Variants in KHDC1 observed in about 807,000 individuals in gnomAD.
KHDC1 encodes KH domain containing 1.
A neutral mutation model predicts 24.7 loss-of-function variants in KHDC1; 21 were observed. The observed-to-expected ratio is 0.85, with a 90% CI of 0.60 to 1.23. KHDC1 has a LOEUF of 1.23. KHDC1 is among the 50% of genes most tolerant of loss of function. The probability of loss-of-function intolerance (pLI) is 0.00; values close to 1 mark genes in which losing one functional copy is unlikely to be tolerated. For missense variants in KHDC1, 274 were observed against 298.5 expected (o/e 0.92, Z 0.61); for synonymous variants, 98 against 111.7 (o/e 0.88, Z 0.77).
chr6:73,265,638 CT>C (rs1462328575), intron 2 of KHDC1, among the ~76,000 whole-genome samples: 1 of 151,626 alleles, frequency 6.6e-6, no homozygotes, highest in East Asian at 1.9e-4. Context: ...TTGAGTAAGC[CT>C]TTTTCAGGTT....
At chr6:73,241,714 C>T (rs1766571864) in exon 5 of KHDC1, 1 of 1,614,006 alleles carries the variant, frequency 6.2e-7, no homozygotes, top group South Asian at 1.1e-5. Context: ...CGGACACGTT[C>T]CAGCATCTCC....
intron 1 of KHDC1, among the ~76,000 whole-genome samples, chr6:73,298,673 C>T (rs12203663): frequency 0.22 from 33,923 of 151,400 alleles, 4,273 homozygotes; most frequent in African/African-American, 0.34. Context: ...CCTCAGGTGA[C>T]CCACCTGCCT....
chr6:73,257,863 G>A lies in KHDC1; in HGVS notation c.207-15333C>T, dbSNP rs116257835. Among the ~76,000 whole-genome samples, 1,507 of 152,128 alleles carry A rather than the reference G, an allele frequency of 9.9e-3. 23 individuals are homozygous for A. The highest frequency in any genetic ancestry group is 0.034 in the African/African-American group (1,416 of 41,510). On this transcript the variant is annotated intron_variant, in intron 2 of 4. Transcript: ENST00000370384. ...TAGCTCACACCTGTAATCCCAGCAT[G>A]CTGGGAGGCCAAGACAAGAGAATTG...
chr6:73,293,079 T>C (rs1267709502), intron 1 of KHDC1: 11 of 977,746 alleles, frequency 1.1e-5, no homozygotes, highest in Non-Finnish European at 1.8e-5. Flanking sequence ...AATGCAAGAC[T>C]GGATGCCAAG....
chr6:73,241,840 T>C (rs1224337899), intron 4 of KHDC1, 112 bp from the exon 4 acceptor site: 1 of 1,241,798 alleles, frequency 8.1e-7, no homozygotes, highest in African/African-American at 1.5e-5. Context: ...AGCCCAGACC[T>C]TCCAAGGTAG....
chr6:73,256,553 A>G (rs1007801988), intron 2 of KHDC1, among the ~76,000 whole-genome samples: 7 of 152,240 alleles, frequency 4.6e-5, no homozygotes, highest in African/African-American at 1.7e-4. Context: ...AACTATTAAC[A>G]GCCAGTTTAC....
intron 2 of KHDC1, among the ~76,000 whole-genome samples, chr6:73,285,742 C>T (rs377118366): frequency 6.6e-6 from 1 of 150,682 alleles, no homozygotes; most frequent in South Asian, 2.1e-4. Context: ...CATGCTGGTG[C>T]GCTGCACCCA....
At chr6:73,241,750 C>T (rs1483008011) in intron 4 of KHDC1, 22 bp from the exon 4 acceptor site, 1 of 1,613,098 alleles carries the variant, frequency 6.2e-7, no homozygotes, top group Non-Finnish European at 8.5e-7. Flanking sequence ...GTGCCCAGGG[C>T]TAATGAACCA....
At chr6:73,307,441 T>TA (rs1767985433) in intron 1 of KHDC1, among the ~76,000 whole-genome samples, 1 of 150,954 alleles carries the variant, frequency 6.6e-6, no homozygotes, top group African/African-American at 2.5e-5. Context: ...ATAAATAAAT[T>TA]AATTAATTAA....
intron 2 of KHDC1, among the ~76,000 whole-genome samples, chr6:73,260,378 A>C (rs1766957747): frequency 6.6e-6 from 1 of 152,184 alleles, no homozygotes; most frequent in African/African-American, 2.4e-5. Context: ...TGTCCAGAAT[A>C]ATGCCTTATA....
chr6:73,290,698 T>C, intron 2 of KHDC1: 2 of 443,584 alleles, frequency 4.5e-6, no homozygotes, highest in South Asian at 1.8e-5. Context: ...TGGAGCCACA[T>C]GTATTGCTGG....
At chr6:73,282,472 G>T (rs1022647369) in intron 2 of KHDC1, among the ~76,000 whole-genome samples, 2 of 152,042 alleles carry the variant, frequency 1.3e-5, no homozygotes, top group Admixed American at 6.6e-5. Context: ...GAGGAACTTA[G>T]TTTATAGGTT....
At chr6:73,273,075 TG>T (rs1193083646) in intron 2 of KHDC1, among the ~76,000 whole-genome samples, 14 of 151,470 alleles carry the variant, frequency 9.2e-5, no homozygotes, top group Non-Finnish European at 2.1e-4. Context: ...GCCAGGCTGG[TG>T]GCGAACTCTT....
At chr6:73,262,792 G>T in intron 2 of KHDC1, 2 of 985,530 alleles carry the variant, frequency 2.0e-6, no homozygotes, top group South Asian at 9.4e-5. Flanking sequence ...ATGCTCTCTT[G>T]CAGACACGCA....
Position 73,309,652 on chromosome 6 carries a change from G to T in KHDC1, c.63C>A (p.Tyr21Ter), listed in dbSNP as rs1175667283. The change falls in exon 1 of 5, where the codon TAC becomes TAA. Residue 21 changes from tyrosine (Y) to a stop codon, truncating the protein, a stop_gained. Coordinates refer to ENST00000370384, the Ensembl canonical transcript of KHDC1. LOFTEE classifies it high-confidence loss of function. The stretch of plus-strand genomic sequence containing the variant: ...ATCCATAAATGAAGATCAGGACTCC[G>T]TATTCTGAGACTGTTTCAATCACAA... The T allele has an allele frequency of 6.5e-7, 1 of 1,549,942 alleles. No homozygotes were observed. Among genetic ancestry groups the T allele is most frequent in the East Asian group, 2.4e-5 (1 of 40,900 alleles).
At chr6:73,263,189 G>A in intron 2 of KHDC1, 1 of 987,252 alleles carries the variant, frequency 1.0e-6, no homozygotes, top group South Asian at 4.5e-5. Context: ...GCGCGCTCGA[G>A]CGGAAGTGGC....
At chr6:73,292,318 C>G in intron 1 of KHDC1, 2 of 999,834 alleles carry the variant, frequency 2.0e-6, no homozygotes, top group Non-Finnish European at 3.2e-6. Flanking sequence ...ACCTGGCGGA[C>G]AAGCATGGTT....
intron 2 of KHDC1, among the ~76,000 whole-genome samples, chr6:73,261,578 T>C (rs1391152672): frequency 6.6e-6 from 1 of 151,128 alleles, no homozygotes; most frequent in Non-Finnish European, 1.5e-5. Context: ...GAGACCCGCC[T>C]GGGCAATATG....
At chr6:73,298,729 G>T (rs906546095) in intron 1 of KHDC1, among the ~76,000 whole-genome samples, 1 of 151,068 alleles carries the variant, frequency 6.6e-6, no homozygotes, top group Non-Finnish European at 1.5e-5. Context: ...CACTACGCCC[G>T]GCCTGTAAAC....
Sources: allele counts gnomAD v4.1 joint callset (sites outside exome capture counted in the v4.1 genomes callset), GRCh38; gene constraint gnomAD v4.1.1; transcripts MANE v1.5; gene names NCBI Gene and HGNC (gene_info 2026-07-23, HGNC 2026-07-21).